Variants in ZBTB25 observed in about 807,000 individuals in gnomAD.
ZBTB25 encodes the protein zinc finger and BTB domain containing 25, also known as zinc finger and BTB domain-containing protein 25.
ZBTB25 carries 20 observed loss-of-function variants against 34.2 expected under a neutral mutation model. The ratio of observed to expected loss-of-function variants is 0.58; its 90% CI spans 0.41 to 0.85. ZBTB25 has a LOEUF of 0.85. ZBTB25 is among the 40% of genes least tolerant of loss of function. The probability of loss-of-function intolerance (pLI) is 0.00; values close to 1 mark genes in which losing one functional copy is unlikely to be tolerated. For missense variants in ZBTB25, 437 were observed against 521.8 expected (o/e 0.84, Z 1.58); for synonymous variants, 175 against 186.4 (o/e 0.94, Z 0.50).
Position 64,487,566 on chromosome 14 carries a change from G to A in ZBTB25, c.665C>T (p.Ser222Leu). 2.5e-6 allele frequency: 4 copies of A among 1,610,104 alleles called. No homozygotes were observed. Among genetic ancestry groups the A allele is most frequent in the Non-Finnish European group, 3.4e-6 (4 of 1,176,754 alleles). ...SVISQSHPSP[S>L]SEVTGPTFTE... ...AAAAGTGGGGCCTGTCACCTCTGATGAGGGTGAGGGGTGGCTCTGGGAGAT... is the reference window on the plus strand; with the variant it reads ...AAAAGTGGGGCCTGTCACCTCTGATAAGGGTGAGGGGTGGCTCTGGGAGAT... Residue 222 changes from serine (S) to leucine (L), a missense_variant, in exon 3 of 3, where the codon TCA becomes TTA. By Grantham distance (145) the Ser-to-Leu change is moderately radical. Coordinates refer to ENST00000608382, the MANE Select transcript of ZBTB25 (RefSeq NM_006977.5).
intron 2 of ZBTB25, chr14:64,455,216 G>A (rs890430458): frequency 2.8e-5 from 10 of 352,536 alleles, no homozygotes; most frequent in Admixed American, 1.2e-4. Flanking sequence ...TGTTTATTGG[G>A]AGCCTTACAT....
At position 64,480,145 on chromosome 14, in the gene ZBTB25, A is replaced by G. The variant is rs908606232; in HGVS notation, c.*6778T>C. On this transcript the variant is annotated 3_prime_UTR_variant, in exon 3 of 3. Coordinates refer to ENST00000608382, the MANE Select transcript of ZBTB25 (RefSeq NM_006977.5). ...GAGACCAGCCTGGCCAACATGGTGA[A>G]ACTCCGTCTCTACTAGAAATACAAA... 5.3e-6 allele frequency: 1 copy of G among 190,436 alleles called. No individual in the cohort carries two copies. The highest frequency in any genetic ancestry group is 1.1e-5 in the Non-Finnish European group (1 of 89,736). 11.8% of individuals were successfully genotyped at this position (190,436 alleles called of 1,614,324 possible). A position where few individuals can be genotyped will look rare whatever the true frequency, so the allele number is the denominator to read the frequency against.
At chr14:64,469,499 G>A (rs1401468548) in intron 2 of ZBTB25, 10 of 1,613,216 alleles carry the variant, frequency 6.2e-6, no homozygotes, top group Non-Finnish European at 7.6e-6. Context: ...AGCTGAAAAT[G>A]AGCAAGTAGG....
chr14:64,463,773 A>G (rs1216949679), intron 2 of ZBTB25, among the ~76,000 whole-genome samples: 1 of 152,144 alleles, frequency 6.6e-6, no homozygotes, highest in African/African-American at 2.4e-5. Flanking sequence ...TCAAATAAAA[A>G]TAAAAATAAG....
At chr14:64,499,709 C>T (rs897297581) in intron 1 of ZBTB25, 1 of 152,196 alleles carries the variant, frequency 6.6e-6, no homozygotes, top group African/African-American at 2.4e-5. Flanking sequence ...TACTCTCTTA[C>T]TCCATTACAC....
intron 2 of ZBTB25, among the ~76,000 whole-genome samples, chr14:64,452,320 T>C (rs548706274): frequency 6.6e-6 from 1 of 152,362 alleles, no homozygotes; most frequent in Admixed American, 6.5e-5. Context: ...CTGCCTAATA[T>C]GTTCTTTTAG....
chr14:64,485,725 A>G lies in ZBTB25; in HGVS notation c.*1198T>C. 1.0e-6 allele frequency: 1 copy of G among 985,422 alleles called. No homozygotes were observed. The highest frequency in any genetic ancestry group is 1.7e-5 in the African/African-American group (1 of 57,356). The allele number at this position is 985,422 out of a possible 1,614,324, so 61.0% of individuals were successfully genotyped here. A position where few individuals can be genotyped will look rare whatever the true frequency, so the allele number is the denominator to read the frequency against. ...TTTCAGTGATTTTTAGAAAATTAAA[A>G]TCAACCCAGGAAGCCCCAAAAATCC... On this transcript the variant is annotated 3_prime_UTR_variant, in exon 3 of 3. Transcript: ENST00000608382.
intron 2 of ZBTB25, among the ~76,000 whole-genome samples, chr14:64,451,019 AT>A (rs1163575434): frequency 2.0e-5 from 3 of 152,108 alleles, no homozygotes; most frequent in Non-Finnish European, 4.4e-5. Flanking sequence ...AATACAAAAA[AT>A]TAGCTGGGTG....
intron 1 of ZBTB25, chr14:64,503,059 C>A: frequency 2.0e-6 from 2 of 985,394 alleles, no homozygotes; most frequent in Non-Finnish European, 2.4e-6. Flanking sequence ...TGCGCTGCCT[C>A]CGCAACTGGT....
intron 1 of ZBTB25, among the ~76,000 whole-genome samples, chr14:64,497,327 G>C (rs1223642749): frequency 1.3e-5 from 2 of 152,036 alleles, no homozygotes; most frequent in African/African-American, 2.4e-5. Flanking sequence ...CAAATTATTA[G>C]CTAGACTTTT....
rs548589157 is a variant in ZBTB25, at chr14:64,482,689, T to C, written c.*4234A>G. ...ATTGTTTCTAGTTATTTGTAAAAAATAACAATGAGTTCTGTCAATTAGTTA... is the reference window on the plus strand; with the variant it reads ...ATTGTTTCTAGTTATTTGTAAAAAACAACAATGAGTTCTGTCAATTAGTTA... On this transcript the variant is annotated 3_prime_UTR_variant, in exon 3 of 3. Transcript: ENST00000608382. 1.8e-4 allele frequency: 27 copies of C among 152,312 alleles called. No homozygotes were observed. The highest frequency in any genetic ancestry group is 6.3e-4 in the African/African-American group (26 of 41,572). 9.4% of individuals were successfully genotyped at this position (152,312 alleles called of 1,614,324 possible).
At chr14:64,491,467 A>C (rs1262344171) in intron 1 of ZBTB25, among the ~76,000 whole-genome samples, 1 of 151,570 alleles carries the variant, frequency 6.6e-6, no homozygotes, top group Non-Finnish European at 1.5e-5. Flanking sequence ...CTGTCTCAAA[A>C]ACACACACAC....
intron 1 of ZBTB25, among the ~76,000 whole-genome samples, chr14:64,492,977 G>C (rs2079139172): frequency 6.6e-6 from 1 of 152,046 alleles, no homozygotes; most frequent in South Asian, 2.1e-4. Flanking sequence ...CTATCAGAGG[G>C]AGATAAACAC....
In ZBTB25 at chr14:64,487,316, A is replaced by G; in HGVS notation, c.915T>C (p.Asn305=). 6.2e-7 allele frequency: 1 copy of G among 1,613,992 alleles called. No individual in the cohort carries two copies. Among genetic ancestry groups the G allele is most frequent in the Non-Finnish European group, 8.5e-7 (1 of 1,180,008 alleles). The part of the protein sequence containing the change: ...RRLSSFIVKE[N]EQQPDHTNRG... Reference sequence around the variant, plus strand: ...GGTTGGTGTGGTCTGGCTGCTGTTCATTCTCCTTAACAATGAAGGAGCTGA... The same window carrying G: ...GGTTGGTGTGGTCTGGCTGCTGTTCGTTCTCCTTAACAATGAAGGAGCTGA... The change falls in exon 3 of 3, where the codon AAT becomes AAC. Residue 305 remains asparagine (N), a synonymous_variant. Transcript: ENST00000608382.
At chr14:64,455,491 G>A (rs2078456580) in intron 2 of ZBTB25, among the ~76,000 whole-genome samples, 1 of 152,110 alleles carries the variant, frequency 6.6e-6, no homozygotes, top group South Asian at 2.1e-4. Context: ...CAGAGGGGAG[G>A]GATGCTTAAG....
chr14:64,492,488 C>T (rs1427832360), intron 1 of ZBTB25, among the ~76,000 whole-genome samples: 5 of 151,796 alleles, frequency 3.3e-5, no homozygotes, highest in African/African-American at 7.3e-5. Context: ...CCACCGTGCC[C>T]GGCCTAACAA....
At chr14:64,498,307 C>CTT (rs1233142412) in intron 1 of ZBTB25, among the ~76,000 whole-genome samples, 10 of 138,678 alleles carry the variant, frequency 7.2e-5, no homozygotes, top group Non-Finnish European at 1.6e-4. Flanking sequence ...GGCACAGATT[C>CTT]TTTTTTTTTT....
rs180840922 is a variant in ZBTB25, at chr14:64,451,580, G to A, written c.174-1942C>T. 2.1e-3 allele frequency among the ~76,000 whole-genome samples: 321 copies of A among 152,334 alleles called. 5 individuals are homozygous for A. Among genetic ancestry groups the A allele is most frequent in the East Asian group, 2.5e-3 (13 of 5,188 alleles). On this transcript the variant is annotated intron_variant, in intron 2 of 2. Transcript: ENST00000555220. ...ACACAAATTTGCACACAAATGCAAA[G>A]CATTTATAGGCACCCTCTCCAGGCT...
In ZBTB25 at chr14:64,483,219, G is replaced by A. The variant is rs2078814921; in HGVS notation, c.*3704C>T. 6.6e-6 allele frequency: 1 copy of A among 152,124 alleles called. No individual in the cohort carries two copies. The highest frequency in any genetic ancestry group is 2.1e-4 in the South Asian group (1 of 4,832). The allele number at this position is 152,124 out of a possible 1,614,324, so 9.4% of individuals were successfully genotyped here. A position where few individuals can be genotyped will look rare whatever the true frequency, so the allele number is the denominator to read the frequency against. On this transcript the variant is annotated 3_prime_UTR_variant, in exon 3 of 3. Coordinates refer to ENST00000608382, the MANE Select transcript of ZBTB25 (RefSeq NM_006977.5). ...AACTGCACTATACTATTAGGATACTGGCTAACAGTATAGCTCCATTTTGTG... is the reference window on the plus strand; with the variant it reads ...AACTGCACTATACTATTAGGATACTAGCTAACAGTATAGCTCCATTTTGTG...
Sources: gnomAD v4.1 joint callset for allele counts (sites outside exome capture counted in the v4.1 genomes callset) on GRCh38, gnomAD v4.1.1 for gene constraint, MANE v1.5 for transcripts, NCBI Gene and HGNC (gene_info 2026-07-23, HGNC 2026-07-21) for gene names.